The following TPR variants were observed in gnomAD, a reference collection of about 807,000 sequenced individuals.
The protein encoded by TPR is translocated promoter region, nuclear basket protein.
In TPR, 51 loss-of-function variants were observed where a neutral mutation model predicts 316.1. The ratio of observed to expected loss-of-function variants is 0.16; its 90% CI spans 0.13 to 0.20. The LOEUF (loss-of-function observed/expected upper bound fraction) is 0.20. Among genes scored for constraint, TPR ranks in the 10% least tolerant of loss-of-function variants. The pLI, the probability that TPR is intolerant of heterozygous loss-of-function variation, is 1.00. For missense variants in TPR, 2,272 were observed against 2,754.8 expected (o/e 0.82, Z 3.92); for synonymous variants, 981 against 914.7 (o/e 1.07, Z -1.31).
At chr1:186,322,486 G>A in intron 44 of TPR, 32 bp downstream of exon 44, 1 of 1,613,196 alleles carries the variant, frequency 6.2e-7, no homozygotes, top group South Asian at 1.1e-5. Context: ...CTCAAGAAAT[G>A]AATTACTTTT....
At chr1:186,360,095 AT>A in intron 11 of TPR, 99 bp from the exon 12 acceptor site, 1 of 1,386,366 alleles carries the variant, frequency 7.2e-7, no homozygotes, top group Non-Finnish European at 1.0e-6. Context: ...CTAACACAAA[AT>A]GGCAATGTTT....
intron 20 of TPR, among the ~76,000 whole-genome samples, chr1:186,350,833 A>G (rs1658838777): frequency 6.6e-6 from 1 of 152,184 alleles, no homozygotes; most frequent in Non-Finnish European, 1.5e-5. Context: ...GCAAATATAT[A>G]AGGAGCTTAC....
rs138080777 is a variant in TPR, at chr1:186,347,937, C to T, written c.2777-479G>A. Among the ~76,000 whole-genome samples, 10 of 152,214 alleles carry T rather than the reference C, an allele frequency of 6.6e-5. No individual in the cohort carries two copies. The East Asian group carries it at 1.9e-3, about 29-fold the overall frequency. On this transcript the variant is annotated intron_variant, in intron 21 of 50. Coordinates refer to ENST00000367478, the MANE Select transcript of TPR (RefSeq NM_003292.3). ...TTAATCTGTTAATCCTATTATCTTC[C>T]TAAGTTGAGGATGTATGTCACCTCA...
chr1:186,341,245 A>G lies in TPR; in HGVS notation c.3888+7T>C. Reference sequence around the variant, plus strand: ...ATGCTTCCACTCTTGATAACTAAGCAACAAACCTTTGCTTGCATTTGCTGT... The same window carrying G: ...ATGCTTCCACTCTTGATAACTAAGCGACAAACCTTTGCTTGCATTTGCTGT... On this transcript the variant is annotated splice_region_variant and intron_variant, in intron 28 of 50. Transcript: ENST00000367478. 1.2e-6 allele frequency: 2 copies of G among 1,613,622 alleles called. No individual in the cohort carries two copies. Among genetic ancestry groups the G allele is most frequent in the Non-Finnish European group, 1.7e-6 (2 of 1,179,920 alleles).
intron 14 of TPR, 55 bp downstream of exon 14, chr1:186,357,342 T>C (rs763932556): frequency 3.3e-5 from 52 of 1,564,064 alleles, no homozygotes; most frequent in Non-Finnish European, 4.3e-5. Flanking sequence ...ACACTGAGCC[T>C]AGCTGAGGTT....
In TPR at chr1:186,353,678, T is replaced by C. The variant is rs760576196; in HGVS notation, c.2334+10A>G. 1.2e-6 allele frequency: 2 copies of C among 1,611,066 alleles called. No homozygotes were observed. Among genetic ancestry groups the C allele is most frequent in the Non-Finnish European group, 1.7e-6 (2 of 1,179,028 alleles). ...TATAATGCAAGTTGGACAAGGGATA[T>C]TGGACTCACTTCTGCGACAGCTAGC... On this transcript the variant is annotated intron_variant, in intron 18 of 50. Coordinates refer to ENST00000367478, the MANE Select transcript of TPR (RefSeq NM_003292.3).
At chr1:186,345,883 A>G (rs1346538104) in intron 23 of TPR, among the ~76,000 whole-genome samples, 187 bp from the exon 24 acceptor site, 1 of 152,138 alleles carries the variant, frequency 6.6e-6, no homozygotes, top group African/African-American at 2.4e-5. Flanking sequence ...ATTCCCTAAC[A>G]TTTGCATAAG....
rs756551359 is a variant in TPR at position 186,361,704 on chromosome 1, G to A, written c.876C>T (p.Ala292=). The A allele has an allele frequency of 1.9e-5, 30 of 1,613,044 alleles. 1 individual carries two copies. Among genetic ancestry groups the A allele is most frequent in the Admixed American group, 1.2e-4 (7 of 59,930 alleles). ...TGCTCTTTGCTTCTGAGTCATCAGC[G>A]GCACTCTAAAAGTTAATCTTAAAAA... The part of the protein sequence containing the change: ...HIKLSNLYKS[A]ADDSEAKSNE... The change falls in exon 9 of 51, where the codon GCC becomes GCT. Residue 292 remains alanine (A), a synonymous_variant. Coordinates refer to ENST00000367478, the MANE Select transcript of TPR (RefSeq NM_003292.3).
At chr1:186,362,802 T>A in intron 6 of TPR, 35 bp downstream of exon 6, 4 of 1,544,588 alleles carry the variant, frequency 2.6e-6, no homozygotes, top group South Asian at 1.2e-5. Context: ...TAAGTTATAC[T>A]CAACATGAAG....
chr1:186,349,797 C>G (rs145934009), intron 21 of TPR, among the ~76,000 whole-genome samples: 1 of 152,066 alleles, frequency 6.6e-6, no homozygotes, highest in East Asian at 1.9e-4. Flanking sequence ...AGGCTACCAA[C>G]GAGCAAATAT....
chr1:186,350,434 A>T (rs1281038124), intron 20 of TPR, 46 bp from the exon 21 acceptor site: 3 of 1,371,768 alleles, frequency 2.2e-6, no homozygotes, highest in Non-Finnish European at 2.9e-6. Context: ...TTCCTAAGTA[A>T]CTAAAGGTTC....
At chr1:186,355,303 T>C in intron 17 of TPR, 107 bp downstream of exon 17, 2 of 1,193,768 alleles carry the variant, frequency 1.7e-6, no homozygotes, top group African/African-American at 1.5e-5. Context: ...TGGAACACAG[T>C]TCACAAAAAA....
intron 13 of TPR, among the ~76,000 whole-genome samples, chr1:186,358,195 C>T (rs561810732): frequency 2.0e-5 from 3 of 152,016 alleles, no homozygotes; most frequent in Non-Finnish European, 4.4e-5. Context: ...CATGTATATA[C>T]ACATACAGAG....
rs758900390 is a variant in TPR, at chr1:186,359,857, T to C, written c.1331A>G (p.Tyr444Cys). ...APILKRQREE[Y>C]ERAQKAVASL... ...TGCTACAGCTTTCTGTGCACGTTCATATTCCTCACGCTGGCGTTTCAAAAT... is the reference window on the plus strand; with the variant it reads ...TGCTACAGCTTTCTGTGCACGTTCACATTCCTCACGCTGGCGTTTCAAAAT... The change falls in exon 12 of 51, where the codon TAT becomes TGT. Residue 444 changes from tyrosine (Y) to cysteine (C), a missense_variant. Tyr to Cys is a radical substitution (Grantham distance 194). Around this residue, in one of 10 missense-constraint regions of TPR, gnomAD observed 549 missense variants for 598.6 expected, o/e 0.92. Coordinates refer to ENST00000367478, the MANE Select transcript of TPR (RefSeq NM_003292.3). The C allele has an allele frequency of 4.4e-6, 7 of 1,603,436 alleles. No homozygotes were observed. The highest frequency in any genetic ancestry group is 2.2e-5 in the East Asian group (1 of 44,676).
intron 32 of TPR, 53 bp from the exon 33 acceptor site, chr1:186,336,747 C>T: frequency 6.5e-7 from 1 of 1,545,660 alleles, no homozygotes; most frequent in South Asian, 1.1e-5. Context: ...TCAATATAAA[C>T]TGTATGTGGT....
At chr1:186,345,520 A>C in intron 24 of TPR, 60 bp downstream of exon 24, 1 of 1,335,544 alleles carries the variant, frequency 7.5e-7, no homozygotes, top group Non-Finnish European at 1.1e-6. Context: ...ATGCATAAAT[A>C]TACTTCAAGA....
chr1:186,371,687 A>C (rs1247952920), intron 2 of TPR, among the ~76,000 whole-genome samples: 1 of 152,204 alleles, frequency 6.6e-6, no homozygotes, highest in Non-Finnish European at 1.5e-5. Context: ...TAAAATACAT[A>C]TGTTGGCAAT....
In TPR at chr1:186,333,103, A is replaced by C; in HGVS notation, c.5455+19T>G. 6.2e-7 allele frequency: 1 copy of C among 1,611,266 alleles called. No individual in the cohort carries two copies. Among genetic ancestry groups the C allele is most frequent in the Non-Finnish European group, 8.5e-7 (1 of 1,178,376 alleles). ...AAATGCATAGGTCTACTCTGACTTC[A>C]TTTTAAAATTAATTTTACCTGTGCC... On this transcript the variant is annotated intron_variant, in intron 37 of 50. Transcript: ENST00000367478.
chr1:186,323,807 G>A lies in TPR; in HGVS notation c.6176C>T (p.Pro2059Leu), dbSNP rs771952943. 3 of 1,556,700 alleles carry A rather than the reference G, an allele frequency of 1.9e-6. No homozygotes were observed. The South Asian group carries it at 3.7e-5, about 19-fold the overall frequency. The part of the protein sequence containing the change: ...FSQEVSREQQ[P>L]SSASERQAPR... ...GGCCTGTCTTTCAGATGCTGATGAT[G>A]GCTGTTGTTCTCTAGAAACCTCCTG... Residue 2059 changes from proline (P) to leucine (L), a missense_variant, in exon 43 of 51, where the codon CCA becomes CTA. Around this residue, in one of 10 missense-constraint regions of TPR, gnomAD observed 435 missense variants for 461.1 expected, o/e 0.94. Coordinates refer to ENST00000367478, the MANE Select transcript of TPR (RefSeq NM_003292.3).
Sources: allele counts gnomAD v4.1 joint callset (sites outside exome capture counted in the v4.1 genomes callset), GRCh38; gene constraint gnomAD v4.1.1; regional missense constraint gnomAD v4.1.1; transcripts MANE v1.5; gene names NCBI Gene and HGNC (gene_info 2026-07-23, HGNC 2026-07-21).